Variants in NCKAP5 observed in about 807,000 individuals in gnomAD.
The protein encoded by NCKAP5 is NCK associated protein 5.
A neutral mutation model predicts 167.0 loss-of-function variants in NCKAP5; 92 were observed. The ratio of observed to expected loss-of-function variants is 0.55; its 90% CI spans 0.47 to 0.66. The LOEUF is 0.66. Ranked by LOEUF, NCKAP5 falls within the 30% of genes least tolerant of loss-of-function variation. The pLI is 0.00. For synonymous variants in NCKAP5, 891 were observed against 877.4 expected, an observed-to-expected ratio of 1.02 and a Z score of -0.27; for missense variants, 2,378 against 2,315.0, an observed-to-expected ratio of 1.03 and a Z score of -0.56.
chr2:133,018,928 C>A (rs562858746), intron 6 of NCKAP5, among the ~76,000 whole-genome samples: 2 of 152,264 alleles, frequency 1.3e-5, no homozygotes, highest in South Asian at 4.1e-4. Context: ...AGCCTTGTTG[C>A]TATTTAAAAG....
intron 5 of NCKAP5, among the ~76,000 whole-genome samples, chr2:133,171,974 A>G (rs186309361): frequency 1.3e-5 from 2 of 152,326 alleles, no homozygotes; most frequent in East Asian, 3.9e-4. Context: ...TCTATTTGAC[A>G]TCTTGATTTT....
chr2:133,439,487 G>C (rs1480854040), intron 3 of NCKAP5, among the ~76,000 whole-genome samples: 2 of 152,190 alleles, frequency 1.3e-5, no homozygotes, highest in Non-Finnish European at 1.5e-5. Context: ...TTTCAATGCC[G>C]TTTATTTACA....
At chr2:133,055,025 T>C (rs1402001194) in intron 6 of NCKAP5, among the ~76,000 whole-genome samples, 1 of 152,178 alleles carries the variant, frequency 6.6e-6, no homozygotes. Context: ...ATTTTGAACA[T>C]TCTGCATTTT....
intron 8 of NCKAP5, among the ~76,000 whole-genome samples, chr2:132,909,396 T>C (rs1263368960): frequency 6.6e-6 from 1 of 152,174 alleles, no homozygotes; most frequent in African/African-American, 2.4e-5. Context: ...TCAGGCTATA[T>C]CCAATGATCA....
intron 4 of NCKAP5, among the ~76,000 whole-genome samples, chr2:133,251,161 T>C (rs1439740056): frequency 6.6e-6 from 1 of 151,968 alleles, no homozygotes; most frequent in Non-Finnish European, 1.5e-5. Flanking sequence ...ATTTACATTG[T>C]TTTAGGTATT....
At chr2:133,644,158 A>T in the NCKAP5 span, among the ~76,000 whole-genome samples, 1 of 152,310 alleles carries the variant, frequency 6.6e-6, no homozygotes, top group South Asian at 2.1e-4. Flanking sequence ...GAAGAGATTA[A>T]CATTTGAATT....
intron 9 of NCKAP5, among the ~76,000 whole-genome samples, chr2:132,875,646 A>G (rs539617543): frequency 1.3e-5 from 2 of 152,352 alleles, no homozygotes; most frequent in East Asian, 3.9e-4. Context: ...TAGGTATGAA[A>G]GAAACTGTGG....
At chr2:132,764,782 CT>C (rs1252184077) in intron 16 of NCKAP5, among the ~76,000 whole-genome samples, 1 of 152,214 alleles carries the variant, frequency 6.6e-6, no homozygotes, top group African/African-American at 2.4e-5. Flanking sequence ...TGTTAGCACA[CT>C]ATTCAAAATG....
At chr2:133,533,328 C>A (rs1685508065) in intron 2 of NCKAP5, among the ~76,000 whole-genome samples, 1 of 152,182 alleles carries the variant, frequency 6.6e-6, no homozygotes. Context: ...AAATCCAGAT[C>A]ATCTATGTAA....
At chr2:133,120,491 A>C (rs1238861938) in intron 6 of NCKAP5, among the ~76,000 whole-genome samples, 1 of 152,170 alleles carries the variant, frequency 6.6e-6, no homozygotes, top group Admixed American at 6.6e-5. Context: ...TACTACTGGG[A>C]CTGCTGCCTC....
intron 6 of NCKAP5, among the ~76,000 whole-genome samples, chr2:133,025,518 A>T (rs1244417559): frequency 6.6e-6 from 1 of 152,166 alleles, no homozygotes; most frequent in Non-Finnish European, 1.5e-5. Context: ...GGTGTGAAAA[A>T]TTGTCAAAAG....
At chr2:133,574,133 G>C in the NCKAP5 span, among the ~76,000 whole-genome samples, 1 of 111,734 alleles carries the variant, frequency 8.9e-6, no homozygotes, top group Non-Finnish European at 2.2e-5. Flanking sequence ...GATAAGAAAA[G>C]GAAGAGGATG....
At chr2:133,102,101 TG>T in intron 6 of NCKAP5, among the ~76,000 whole-genome samples, 1 of 152,262 alleles carries the variant, frequency 6.6e-6, no homozygotes, top group Admixed American at 6.5e-5. Context: ...TCACTAAGAA[TG>T]AATTGTAATA....
intron 7 of NCKAP5, among the ~76,000 whole-genome samples, chr2:132,968,864 G>C (rs1303484005): frequency 6.6e-6 from 1 of 152,052 alleles, no homozygotes; most frequent in Non-Finnish European, 1.5e-5. Flanking sequence ...CCTTTTTCAA[G>C]ATAGAAAAAA....
chr2:133,072,012 G>A lies in NCKAP5; in HGVS notation c.341+57966C>T, dbSNP rs571336909. On this transcript the variant is annotated intron_variant, in intron 6 of 19. Transcript: ENST00000409261. ...CTGTTGTTTTTGTTACTCTGTGCTG[G>A]GCCCATTCTTACAAGATGCATGGTC... 6.6e-5 allele frequency among the ~76,000 whole-genome samples: 10 copies of A among 151,942 alleles called. No homozygotes were observed. The South Asian group carries it at 2.1e-3, about 32-fold the overall frequency.
At chr2:133,358,064 T>A (rs1036278193) in intron 3 of NCKAP5, among the ~76,000 whole-genome samples, 1 of 152,208 alleles carries the variant, frequency 6.6e-6, no homozygotes, top group Non-Finnish European at 1.5e-5. Flanking sequence ...CATTAAGACT[T>A]ATCAAGTCTC....
At chr2:133,652,080 C>T in the NCKAP5 span, among the ~76,000 whole-genome samples, 1 of 152,154 alleles carries the variant, frequency 6.6e-6, no homozygotes, top group East Asian at 1.9e-4. Context: ...CAAGACTACT[C>T]AGGAATGGCT....
chr2:133,365,944 T>C (rs550666007), intron 3 of NCKAP5, among the ~76,000 whole-genome samples: 1 of 152,332 alleles, frequency 6.6e-6, no homozygotes, highest in South Asian at 2.1e-4. Context: ...CCCTGTAAGA[T>C]GTTAGCCATC....
chr2:133,333,113 A>T (rs1486364240), intron 3 of NCKAP5, among the ~76,000 whole-genome samples: 1 of 152,236 alleles, frequency 6.6e-6, no homozygotes, highest in Non-Finnish European at 1.5e-5. Flanking sequence ...GGCAGGATGA[A>T]TACAAAGCCT....
Sources: allele counts gnomAD v4.1 joint callset (sites outside exome capture counted in the v4.1 genomes callset), GRCh38; gene constraint gnomAD v4.1.1; transcripts MANE v1.5; gene names NCBI Gene and HGNC (gene_info 2026-07-23, HGNC 2026-07-21).